Variants in NUBPL observed in about 807,000 individuals in gnomAD.
NUBPL encodes the protein NUBP iron-sulfur cluster assembly factor, mitochondrial.
In NUBPL, 31 loss-of-function variants were observed where a neutral mutation model predicts 45.7. That is an observed-to-expected ratio of 0.68 (90% CI 0.51 to 0.92). The LOEUF (loss-of-function observed/expected upper bound fraction) is 0.92. Among genes scored for constraint, NUBPL ranks in the 40% least tolerant of loss-of-function variants. NUBPL has a pLI of 0.00. For synonymous variants in NUBPL, 144 were observed against 140.9 expected (o/e 1.02, Z -0.15); for missense variants, 401 against 398.7 (o/e 1.01, Z -0.05).
intron 3 of NUBPL, among the ~76,000 whole-genome samples, chr14:31,586,544 A>G (rs1389420562): frequency 6.6e-6 from 1 of 152,198 alleles, no homozygotes; most frequent in African/African-American, 2.4e-5. Context: ...TGTTTGCTTA[A>G]TTCTTATGGT....
At chr14:31,600,827 C>A (rs2139562425) in intron 4 of NUBPL, among the ~76,000 whole-genome samples, 1 of 151,164 alleles carries the variant, frequency 6.6e-6, no homozygotes, top group South Asian at 2.1e-4. Flanking sequence ...AAGTCCTTGC[C>A]CATGCCTATG....
In NUBPL at chr14:31,787,763, C is replaced by CT; in HGVS notation, c.514-16dup. The CT allele has an allele frequency of 6.7e-7, 1 of 1,503,730 alleles. No individual in the cohort carries two copies. The highest frequency in any genetic ancestry group is 9.3e-7 in the Non-Finnish European group (1 of 1,079,344). The allele number at this position is 1,503,730 out of a possible 1,614,324, so 93.1% of individuals were successfully genotyped here. A position where few individuals can be genotyped will look rare whatever the true frequency, so the allele number is the denominator to read the frequency against. ...TTGAATTTTTATACAATGATATAAT[C>CT]TATGTCATCTTTTTAGGTAGATTGG... On this transcript the variant is annotated splice_polypyrimidine_tract_variant and intron_variant, in intron 6 of 10. Transcript: ENST00000281081.
At chr14:31,693,963 C>G (rs1297813980) in intron 6 of NUBPL, among the ~76,000 whole-genome samples, 2 of 148,852 alleles carry the variant, frequency 1.3e-5, no homozygotes, top group Non-Finnish European at 2.9e-5. Flanking sequence ...TCACACCATT[C>G]TCCTGCCTCA....
chr14:31,593,665 G>A (rs536955009), intron 3 of NUBPL, among the ~76,000 whole-genome samples: 140 of 152,230 alleles, frequency 9.2e-4, no homozygotes, highest in Non-Finnish European at 1.2e-3. Flanking sequence ...GCAGGGTGGG[G>A]AATAGGAAAT....
chr14:31,652,614 T>C (rs73253205), intron 4 of NUBPL, among the ~76,000 whole-genome samples: 13,071 of 152,216 alleles, frequency 0.086, 690 homozygotes, highest in African/African-American at 0.15. Context: ...TGATGGCATT[T>C]ATATAAAGTA....
At chr14:31,775,328 G>A (rs2039079699) in intron 6 of NUBPL, among the ~76,000 whole-genome samples, 1 of 152,166 alleles carries the variant, frequency 6.6e-6, no homozygotes, top group South Asian at 2.1e-4. Context: ...TGAGGCAGGA[G>A]ACTCGCTTCA....
At chr14:31,692,420 A>G (rs969995147) in intron 6 of NUBPL, among the ~76,000 whole-genome samples, 1 of 152,250 alleles carries the variant, frequency 6.6e-6, no homozygotes, top group Non-Finnish European at 1.5e-5. Flanking sequence ...CCACAGAAAG[A>G]AAAACTTCAA....
At chr14:31,771,086 T>G (rs1018866861) in intron 6 of NUBPL, among the ~76,000 whole-genome samples, 1 of 152,338 alleles carries the variant, frequency 6.6e-6, no homozygotes, top group East Asian at 1.9e-4. Flanking sequence ...CCATGTAATT[T>G]TCTTGTATAG....
intron 6 of NUBPL, among the ~76,000 whole-genome samples, chr14:31,685,105 C>T (rs1041133188): frequency 2.0e-5 from 3 of 152,192 alleles, no homozygotes; most frequent in Non-Finnish European, 4.4e-5. Flanking sequence ...CAAATTTCAG[C>T]TCACACCTCA....
intron 3 of NUBPL, among the ~76,000 whole-genome samples, chr14:31,569,646 A>C (rs544533023): frequency 4.6e-5 from 7 of 152,310 alleles, no homozygotes; most frequent in African/African-American, 1.7e-4. Flanking sequence ...AAATATTGCA[A>C]CCCATGGTGT....
chr14:31,591,622 T>A (rs2034145441), intron 3 of NUBPL, among the ~76,000 whole-genome samples: 2 of 152,154 alleles, frequency 1.3e-5, no homozygotes, highest in African/African-American at 4.8e-5. Context: ...GCAAAGAAAT[T>A]TATGACCCCT....
At chr14:31,665,502 G>T (rs1194187510) in intron 4 of NUBPL, among the ~76,000 whole-genome samples, 3 of 152,184 alleles carry the variant, frequency 2.0e-5, no homozygotes, top group Non-Finnish European at 2.9e-5. Context: ...TCATTCAGGA[G>T]CAGGTTTTTC....
intron 7 of NUBPL, among the ~76,000 whole-genome samples, chr14:31,818,192 C>G (rs957590097): frequency 6.6e-6 from 1 of 152,096 alleles, no homozygotes; most frequent in African/African-American, 2.4e-5. Context: ...GACTTAGACT[C>G]CCACACAATA....
rs73269290 is a variant in NUBPL at position 31,574,204 on chromosome 14, T to C, written c.291+9156T>C. Among the ~76,000 whole-genome samples the C allele has an allele frequency of 2.5e-3, 376 of 152,320 alleles. 1 individual carries two copies. The highest frequency in any genetic ancestry group is 8.6e-3 in the Admixed American group (131 of 15,300). On this transcript the variant is annotated intron_variant, in intron 3 of 10. Transcript: ENST00000281081. ...GAAATAAATTTTTAGTATTGCTAGC[T>C]AAATAAAAGCTTTTAAGTAATATTG... is the stretch of plus-strand genomic sequence containing the variant.
At chr14:31,724,716 A>G (rs11620846) in intron 6 of NUBPL, among the ~76,000 whole-genome samples, 44,486 of 152,088 alleles carry the variant, frequency 0.29, 7,445 homozygotes, top group South Asian at 0.41. Context: ...AGGGCTGGAG[A>G]TACAGTGATG....
intron 6 of NUBPL, among the ~76,000 whole-genome samples, chr14:31,751,797 C>T (rs1033870893): frequency 6.6e-6 from 1 of 152,226 alleles, no homozygotes; most frequent in Admixed American, 6.5e-5. Context: ...CTGCATTGCC[C>T]TAGTAGAGGT....
chr14:31,645,069 C>CTT (rs34958203), intron 4 of NUBPL, among the ~76,000 whole-genome samples: 1 of 139,734 alleles, frequency 7.2e-6, no homozygotes, highest in Non-Finnish European at 1.5e-5. Context: ...TTTTTCTTTT[C>CTT]TTTTTTTTTT....
At chr14:31,829,313 A>G (rs1180616928) in intron 8 of NUBPL, among the ~76,000 whole-genome samples, 1 of 152,048 alleles carries the variant, frequency 6.6e-6, no homozygotes, top group African/African-American at 2.4e-5. Flanking sequence ...TAAACTACAA[A>G]CATTTTTTAA....
At chr14:31,846,119 T>G (rs1348594679) in intron 8 of NUBPL, 10 of 313,486 alleles carry the variant, frequency 3.2e-5, no homozygotes, top group Non-Finnish European at 4.3e-5. Context: ...GCTTGTTGTC[T>G]TCCTTCTGTC....
Sources: allele counts gnomAD v4.1 joint callset (sites outside exome capture counted in the v4.1 genomes callset), GRCh38; gene constraint gnomAD v4.1.1; transcripts MANE v1.5; gene names NCBI Gene and HGNC (gene_info 2026-07-23, HGNC 2026-07-21).